FBXO6: variants seen among roughly 807,000 people sequenced by gnomAD.
FBXO6 encodes F-box only protein 6.
FBXO6 carries 13 observed loss-of-function variants against 25.0 expected under a neutral mutation model. That is an observed-to-expected ratio of 0.52 (90% confidence interval 0.34 to 0.83). The LOEUF (loss-of-function observed/expected upper bound fraction) is 0.83, where lower values mean the gene tolerates loss of function less well. Among genes scored for constraint, FBXO6 ranks in the 40% least tolerant of loss-of-function variants. The probability of loss-of-function intolerance (pLI) is 0.02; values close to 1 mark genes in which losing one functional copy is unlikely to be tolerated. For synonymous variants in FBXO6, 138 were observed against 155.3 expected (o/e 0.89, Z 0.83); for missense variants, 370 against 380.2 (o/e 0.97, Z 0.22).
rs1202357252 is a variant in FBXO6, at chr1:11,673,089, G to A, written c.510-188G>A. 5.3e-5 allele frequency among the ~76,000 whole-genome samples: 8 copies of A among 152,208 alleles called. No homozygotes were observed. The East Asian group carries it at 1.5e-3, about 29-fold the overall frequency. On this transcript the variant is annotated intron_variant, in intron 4 of 5. Transcript: ENST00000376753. The surrounding 1 kb of genome is among the most constrained non-coding windows in gnomAD (Gnocchi z 4.3). ...AGATGGGGTAACAGAGGCCAGCATG[G>A]ACAGACAGCTTATCCCCGGGCCACA...
intron 2 of FBXO6, among the ~76,000 whole-genome samples, chr1:11,669,619 C>T (rs1012842279): frequency 1.8e-4 from 26 of 144,116 alleles, no homozygotes; most frequent in Middle Eastern, 3.5e-3. Flanking sequence ...TATACATATA[C>T]GTATATACAC....
At chr1:11,664,828 G>T (rs55634740) in intron 1 of FBXO6, 1 of 152,076 alleles carries the variant, frequency 6.6e-6, no homozygotes, top group African/African-American at 2.4e-5. Context: ...GACCCCGATC[G>T]GTGTGAGAGG....
intron 2 of FBXO6, among the ~76,000 whole-genome samples, chr1:11,669,477 A>AG (rs1447897787): frequency 2.6e-5 from 4 of 151,550 alleles, no homozygotes; most frequent in Non-Finnish European, 5.9e-5. Flanking sequence ...AAAAAAAAAA[A>AG]AAAAATTTTT....
At chr1:11,669,028 C>CTTGCT in intron 2 of FBXO6, 84 bp downstream of exon 2, 1 of 1,508,128 alleles carries the variant, frequency 6.6e-7, no homozygotes, top group Non-Finnish European at 9.0e-7. Context: ...CCCACACTAC[C>CTTGCT]TGGAATATTC....
At chr1:11,668,025 G>A (rs1473641157) in intron 1 of FBXO6, among the ~76,000 whole-genome samples, 1 of 150,066 alleles carries the variant, frequency 6.7e-6, no homozygotes, top group Non-Finnish European at 1.5e-5. Flanking sequence ...CCAGGAGGCG[G>A]AGGTTGCAGT....
At chr1:11,664,915 G>A (rs912367498) in intron 1 of FBXO6, among the ~76,000 whole-genome samples, 1 of 152,204 alleles carries the variant, frequency 6.6e-6, no homozygotes, top group Admixed American at 6.5e-5. Context: ...AAGAAAATGC[G>A]GACTGGGCCA....
intron 1 of FBXO6, 44 bp from the exon 2 acceptor site, chr1:11,668,612 G>A (rs772417342): frequency 6.9e-6 from 11 of 1,590,394 alleles, no homozygotes; most frequent in East Asian, 2.3e-5. Flanking sequence ...GGACCTGAGG[G>A]CCCACCTCCC....
rs558076460 is a variant in FBXO6 at position 11,666,263 on chromosome 1, G to A, written c.-4+2008G>A. The stretch of plus-strand genomic sequence containing the variant: ...CCTCCTGGGCTCAGAAGATCCTGAC[G>A]CCATAACCTCCCAAGTAGCTAGGAC... On this transcript the variant is annotated intron_variant, in intron 1 of 5. Transcript: ENST00000376753. Among the ~76,000 whole-genome samples, 22 of 151,706 alleles carry A rather than the reference G, an allele frequency of 1.5e-4. 1 individual carries two copies. Among genetic ancestry groups the A allele is most frequent in the African/African-American group, 4.8e-4 (20 of 41,306 alleles).
Position 11,671,927 on chromosome 1 carries a change from G to A in FBXO6, c.414-1G>A, listed in dbSNP as rs1405039232. The A allele has an allele frequency of 2.5e-6, 4 of 1,613,924 alleles. No individual in the cohort carries two copies. Among genetic ancestry groups the A allele is most frequent in the Non-Finnish European group, 3.4e-6 (4 of 1,179,884 alleles). On this transcript the variant is annotated splice_acceptor_variant, in intron 3 of 5. Coordinates refer to ENST00000376753, the MANE Select transcript of FBXO6 (RefSeq NM_018438.6). LOFTEE classifies it high-confidence loss of function. ...TGCAAGCCCCCAACTCTGCTCCCCA[G>A]AATGTGCCTCAAGTCCCAGCTGGTG...
At position 11,668,641 on chromosome 1, in the gene FBXO6, C is replaced by A; in HGVS notation, c.-3-15C>A. 1 of 1,605,034 alleles carries A rather than the reference C, an allele frequency of 6.2e-7. No homozygotes were observed. Among genetic ancestry groups the A allele is most frequent in the South Asian group, 1.1e-5 (1 of 90,892 alleles). The stretch of plus-strand genomic sequence containing the variant: ...ACCTCCCTGGTCAGGCTCATAACTG[C>A]TGTTGCCCCCACAGGCCATGGATGC... On this transcript the variant is annotated splice_polypyrimidine_tract_variant and intron_variant, in intron 1 of 5. Transcript: ENST00000376753.
chr1:11,666,032 T>A (rs1640425318), intron 1 of FBXO6, among the ~76,000 whole-genome samples: 1 of 140,384 alleles, frequency 7.1e-6, no homozygotes, highest in Non-Finnish European at 1.5e-5. Flanking sequence ...GCATTTTTCT[T>A]TTCTCTTTTT....
intron 4 of FBXO6, among the ~76,000 whole-genome samples, chr1:11,672,423 A>G (rs1373547141): frequency 1.3e-5 from 2 of 151,862 alleles, no homozygotes; most frequent in Non-Finnish European, 2.9e-5. Flanking sequence ...AGTAGCTGGG[A>G]TTACAGGTGC....
intron 4 of FBXO6, among the ~76,000 whole-genome samples, chr1:11,672,743 G>A (rs927573862): frequency 6.6e-6 from 1 of 152,230 alleles, no homozygotes; most frequent in African/African-American, 2.4e-5. Context: ...GCACAGAACT[G>A]TGCCAGGCTC....
intron 2 of FBXO6, 78 bp downstream of exon 2, chr1:11,669,022 C>T: frequency 6.5e-7 from 1 of 1,532,840 alleles, no homozygotes; most frequent in South Asian, 1.2e-5. Flanking sequence ...GCAATTCCCA[C>T]ACTACCTGGA....
At chr1:11,670,734 G>A (rs1164089918) in intron 2 of FBXO6, among the ~76,000 whole-genome samples, 3 of 152,042 alleles carry the variant, frequency 2.0e-5, no homozygotes, top group African/African-American at 7.2e-5. Flanking sequence ...TGGGATTACA[G>A]GCGCAAGCCA....
intron 4 of FBXO6, among the ~76,000 whole-genome samples, chr1:11,672,291 C>CT (rs71568344): frequency 0.066 from 9,652 of 146,278 alleles, 975 homozygotes; most frequent in African/African-American, 0.22. Flanking sequence ...TGGACAGGCA[C>CT]TTTTTTTTTT....
At chr1:11,669,669 TATATGTAC>T (rs776764831) in intron 2 of FBXO6, among the ~76,000 whole-genome samples, 9 of 148,612 alleles carry the variant, frequency 6.1e-5, no homozygotes, top group African/African-American at 2.0e-4. Flanking sequence ...TACACATGTA[TATATGTAC>T]ACATATATAC....
In FBXO6 at chr1:11,669,337, C is replaced by T. The variant is rs148292976; in HGVS notation, c.286+393C>T. 7.2e-5 allele frequency among the ~76,000 whole-genome samples: 11 copies of T among 152,268 alleles called. No homozygotes were observed. The East Asian group carries it at 2.1e-3, about 29-fold the overall frequency. ...ACAAAGTTGGGCATGCTGGCCCACGCCTACAATTCCCAGCTACTTGGGAGG... is the reference window on the plus strand; with the variant it reads ...ACAAAGTTGGGCATGCTGGCCCACGTCTACAATTCCCAGCTACTTGGGAGG... On this transcript the variant is annotated intron_variant, in intron 2 of 5. Transcript: ENST00000376753.
chr1:11,670,648 GGT>G (rs1383668796), intron 2 of FBXO6, among the ~76,000 whole-genome samples: 24 of 144,796 alleles, frequency 1.7e-4, no homozygotes, highest in South Asian at 8.9e-4. Context: ...AGGGGGGGGG[GGT>G]GTCGCTATGT....
Sources: allele counts gnomAD v4.1 joint callset (sites outside exome capture counted in the v4.1 genomes callset), GRCh38; gene constraint gnomAD v4.1.1; non-coding constraint Gnocchi (gnomAD v3.1); transcripts MANE v1.5; gene names NCBI Gene and HGNC (gene_info 2026-07-23, HGNC 2026-07-21).